Variants in PDE6H observed in about 807,000 individuals in gnomAD.
The protein encoded by PDE6H is phosphodiesterase 6H, also known as retinal cone rhodopsin-sensitive cGMP 3',5'-cyclic phosphodiesterase subunit gamma.
Under a neutral mutation model 9.2 loss-of-function variants are expected in PDE6H, and 11 were observed. The ratio of observed to expected loss-of-function variants is 1.19; its 90% CI spans 0.75 to 1.97. The LOEUF (loss-of-function observed/expected upper bound fraction) is 1.97, where lower values mean the gene tolerates loss of function less well. PDE6H is among the 30% of genes most tolerant of loss of function. PDE6H has a pLI of 0.00. For synonymous variants in PDE6H, 36 were observed against 33.6 expected (o/e 1.07, Z -0.25); for missense variants, 98 against 101.5 (o/e 0.97, Z 0.15).
intron 1 of PDE6H, among the ~76,000 whole-genome samples, chr12:14,976,912 G>A (rs906181500): frequency 2.0e-5 from 3 of 152,090 alleles, no homozygotes; most frequent in East Asian, 1.9e-4. Flanking sequence ...AGAAAATAAC[G>A]TCATCCAAAA....
At position 14,978,075 on chromosome 12, in the gene PDE6H, A is replaced by C. The variant is rs1442077458; in HGVS notation, c.63A>C (p.Lys21Asn). 6.2e-7 allele frequency: 1 copy of C among 1,613,676 alleles called. No homozygotes were observed. Among genetic ancestry groups the C allele is most frequent in the African/African-American group, 1.3e-5 (1 of 75,018 alleles). The change falls in exon 2 of 4, where the codon AAA (lysine) becomes AAC (asparagine). Residue 21 changes from lysine to asparagine, a missense_variant. By Grantham distance (94) the Lys-to-Asn change is moderately conservative (BLOSUM62 0). Coordinates refer to ENST00000266395, the MANE Select transcript of PDE6H (RefSeq NM_006205.3). The part of the protein sequence containing the change: ...ASNQGPTTPR[K>N]GPPKFKQRQT... The stretch of plus-strand genomic sequence containing the variant: ...ACCAGGGTCCTACCACCCCACGCAA[A>C]GGCCCTCCCAAGTTCAAGCAGAGGC...
intron 2 of PDE6H, 134 bp from the exon 3 acceptor site, chr12:14,979,045 C>T (rs544151020): frequency 2.8e-6 from 2 of 708,494 alleles, no homozygotes; most frequent in East Asian, 2.7e-5. Context: ...TCAGGGCAAA[C>T]TAAAGGAGTT....
At position 14,981,571 on chromosome 12, in the gene PDE6H, G is replaced by A. The variant is rs1565473445; in HGVS notation, c.*95G>A. ...CCGGAGTCTTGAAATTCAGCTGATTGGAAGTGGTTTCTTTGACTTTCAAGG... is the reference window on the plus strand; with the variant it reads ...CCGGAGTCTTGAAATTCAGCTGATTAGAAGTGGTTTCTTTGACTTTCAAGG... On this transcript the variant is annotated 3_prime_UTR_variant, in exon 4 of 4. Transcript: ENST00000266395. 1.2e-6 allele frequency: 1 copy of A among 827,572 alleles called. No individual in the cohort carries two copies. The highest frequency in any genetic ancestry group is 2.5e-5 in the East Asian group (1 of 40,792). 51.3% of individuals were successfully genotyped at this position (827,572 alleles called of 1,614,324 possible).
chr12:14,975,021 C>A (rs1291509488), intron 1 of PDE6H, among the ~76,000 whole-genome samples: 1 of 151,988 alleles, frequency 6.6e-6, no homozygotes, highest in Non-Finnish European at 1.5e-5. Flanking sequence ...GGAATAAGAC[C>A]CACAGAGGAT....
intron 3 of PDE6H, 136 bp downstream of exon 3, chr12:14,979,355 G>T: frequency 1.4e-6 from 1 of 704,740 alleles, no homozygotes. Flanking sequence ...AGAAATGTGG[G>T]GATTTAATTT....
At chr12:14,980,368 A>T (rs1303072641) in intron 3 of PDE6H, among the ~76,000 whole-genome samples, 1 of 152,208 alleles carries the variant, frequency 6.6e-6, no homozygotes, top group African/African-American at 2.4e-5. Context: ...ACAGTTTTTT[A>T]TCCTATTGAA....
At chr12:14,980,091 T>C (rs1280068524) in intron 3 of PDE6H, among the ~76,000 whole-genome samples, 1 of 152,108 alleles carries the variant, frequency 6.6e-6, no homozygotes, top group Non-Finnish European at 1.5e-5. Flanking sequence ...GTACATATAG[T>C]ATCATACAGA....
At position 14,978,064 on chromosome 12, in the gene PDE6H, A is replaced by C; in HGVS notation, c.52A>C (p.Thr18Pro). 6.2e-7 allele frequency: 1 copy of C among 1,613,640 alleles called. No individual in the cohort carries two copies. The change falls in exon 2 of 4, where the codon ACC (threonine) becomes CCC (proline). Residue 18 changes from threonine (T) to proline (P), a missense_variant. Coordinates refer to ENST00000266395, the MANE Select transcript of PDE6H (RefSeq NM_006205.3). The stretch of plus-strand genomic sequence containing the variant: ...TCCAGCTTCAAACCAGGGTCCTACC[A>C]CCCCACGCAAAGGCCCTCCCAAGTT... ...PAPASNQGPT[T>P]PRKGPPKFKQ... is the part of the protein sequence containing the mutation.
chr12:14,976,395 C>A (rs902433799), intron 1 of PDE6H, among the ~76,000 whole-genome samples: 9 of 151,982 alleles, frequency 5.9e-5, no homozygotes, highest in African/African-American at 2.2e-4. Flanking sequence ...TAATTGCAAC[C>A]CAATTGTCAA....
chr12:14,974,129 A>G (rs1864558961), intron 1 of PDE6H, among the ~76,000 whole-genome samples: 1 of 152,244 alleles, frequency 6.6e-6, no homozygotes, highest in Non-Finnish European at 1.5e-5. Context: ...GGCTCACAAA[A>G]GAATAAATTG....
At chr12:14,975,646 C>G (rs553877979) in intron 1 of PDE6H, among the ~76,000 whole-genome samples, 1 of 151,876 alleles carries the variant, frequency 6.6e-6, no homozygotes, top group Non-Finnish European at 1.5e-5. Flanking sequence ...GCCTGTCTAC[C>G]GGGGGTAGAG....
At chr12:14,978,196 A>T (rs1358000429) in intron 2 of PDE6H, 50 bp downstream of exon 2, 1 of 1,565,852 alleles carries the variant, frequency 6.4e-7, no homozygotes. Flanking sequence ...TTTTTCCCAC[A>T]AGACTGCTTT....
intron 3 of PDE6H, among the ~76,000 whole-genome samples, chr12:14,981,174 C>T (rs528955079): frequency 6.6e-6 from 1 of 152,224 alleles, no homozygotes; most frequent in Non-Finnish European, 1.5e-5. Flanking sequence ...CTGTGGATCA[C>T]CTCCCCAAAG....
intron 2 of PDE6H, among the ~76,000 whole-genome samples, 175 bp downstream of exon 2, chr12:14,978,321 T>A (rs758229287): frequency 2.0e-5 from 3 of 152,226 alleles, no homozygotes; most frequent in Non-Finnish European, 4.4e-5. Flanking sequence ...TCCCTGGAAT[T>A]CTTTCCTTCT....
Position 14,978,106 on chromosome 12 carries a change from C to T in PDE6H, c.94C>T (p.Arg32Cys), listed in dbSNP as rs759262260. The T allele has an allele frequency of 6.2e-6, 10 of 1,613,604 alleles. No individual in the cohort carries two copies. The highest frequency in any genetic ancestry group is 3.3e-5 in the Admixed American group (2 of 59,998). ...GPPKFKQRQT[R>C]QFKSKPPKKG... The stretch of plus-strand genomic sequence containing the variant: ...TCCCAAGTTCAAGCAGAGGCAGACT[C>T]GCCAATTCAAGAGTAAACCTCCAAA... The change falls in exon 2 of 4, where the codon CGC becomes TGC. Residue 32 changes from arginine (R) to cysteine (C), a missense_variant. By Grantham distance (180) the Arg-to-Cys change is radical (BLOSUM62 -3). Transcript: ENST00000266395.
intron 1 of PDE6H, among the ~76,000 whole-genome samples, chr12:14,975,419 A>G (rs960987477): frequency 2.0e-5 from 3 of 151,376 alleles, no homozygotes; most frequent in Non-Finnish European, 4.4e-5. Context: ...TAGATTCTTT[A>G]GATGAGAGAA....
In PDE6H at chr12:14,981,698, C is replaced by T. The variant is rs887663595; in HGVS notation, c.*222C>T. 3 of 607,070 alleles carry T rather than the reference C, an allele frequency of 4.9e-6. No individual in the cohort carries two copies. Among genetic ancestry groups the T allele is most frequent in the African/African-American group, 3.7e-5 (2 of 54,162 alleles). The allele number at this position is 607,070 out of a possible 1,614,324, so 37.6% of individuals were successfully genotyped here. ...GCATTTCAAACTTGACCACCTTTTC[C>T]TACCAGCTAGTTAGAAGTCATCAAT... On this transcript the variant is annotated 3_prime_UTR_variant, in exon 4 of 4. Transcript: ENST00000266395.
chr12:14,980,035 G>C (rs537546757), intron 3 of PDE6H, among the ~76,000 whole-genome samples: 2 of 152,260 alleles, frequency 1.3e-5, no homozygotes, highest in African/African-American at 4.8e-5. Context: ...AAAGTTCTAA[G>C]GGTTTTGATA....
chr12:14,977,878 A>C, intron 1 of PDE6H, 94 bp from the exon 2 acceptor site: 1 of 809,812 alleles, frequency 1.2e-6, no homozygotes, highest in South Asian at 1.7e-5. Context: ...TTCTTGTTGA[A>C]GTACTTTTCT....
Sources: gnomAD v4.1 joint callset for allele counts (sites outside exome capture counted in the v4.1 genomes callset) on GRCh38, gnomAD v4.1.1 for gene constraint, MANE v1.5 for transcripts, NCBI Gene and HGNC (gene_info 2026-07-23, HGNC 2026-07-21) for gene names.